Variants in ACOXL observed in about 807,000 individuals in gnomAD.
ACOXL encodes acyl-coenzyme A oxidase-like protein.
In ACOXL, 70 loss-of-function variants were observed where a neutral mutation model predicts 71.9. The observed-to-expected ratio is 0.97, with a 90% CI of 0.80 to 1.19. ACOXL has a LOEUF of 1.19. Ranked by LOEUF, ACOXL falls within the 50% of genes most tolerant of loss-of-function variation. The pLI is 0.00. For synonymous variants in ACOXL, 253 were observed against 281.6 expected (o/e 0.90, Z 1.02); for missense variants, 703 against 736.3 (o/e 0.95, Z 0.52).
In ACOXL at chr2:110,803,546, A is replaced by G. The variant is rs141577187; in HGVS notation, c.621-1717A>G. 1.3e-4 allele frequency among the ~76,000 whole-genome samples: 20 copies of G among 152,364 alleles called. No individual in the cohort carries two copies. The East Asian group carries it at 3.5e-3, about 26-fold the overall frequency. On this transcript the variant is annotated intron_variant, in intron 8 of 17. Coordinates refer to ENST00000439055, the MANE Select transcript of ACOXL (RefSeq NM_001142807.4). ...CAAAATGGATCACAGACCTAAATGT[A>G]AGAGCTAAAACTACACAAATCTTAG... is the stretch of plus-strand genomic sequence containing the variant.
At chr2:110,958,362 C>T (rs1020626686) in intron 12 of ACOXL, among the ~76,000 whole-genome samples, 2 of 152,162 alleles carry the variant, frequency 1.3e-5, no homozygotes, top group East Asian at 1.9e-4. Context: ...TGGCCCAGCA[C>T]GCAGGCCAGT....
At chr2:110,768,513 T>TGTGTGTGTGAGAGAGAGAGAGA (rs397975396) in intron 2 of ACOXL, 49 bp downstream of exon 2, 1 of 928,524 alleles carries the variant, frequency 1.1e-6, no homozygotes, top group East Asian at 3.1e-5. Context: ...TGTGTGTGTG[T>TGTGTGTGTGAGAGAGAGAGAGA]GAGAGAGAGA....
chr2:110,881,198 C>CATATATGTAGATATACAGGAGGTATAT (rs1696598144), intron 10 of ACOXL, among the ~76,000 whole-genome samples: 1 of 151,250 alleles, frequency 6.6e-6, no homozygotes, highest in Non-Finnish European at 1.5e-5. Context: ...ATATCACATA[C>CATATATGTAGATATACAGGAGGTATAT]ATATCATATA....
intron 12 of ACOXL, among the ~76,000 whole-genome samples, chr2:110,974,827 C>T (rs1319441702): frequency 6.6e-6 from 1 of 152,156 alleles, no homozygotes; most frequent in Non-Finnish European, 1.5e-5. Flanking sequence ...CAAAATGTTT[C>T]TCCAATCAGA....
At chr2:111,020,443 A>C (rs1416667826) in intron 14 of ACOXL, among the ~76,000 whole-genome samples, 1 of 152,196 alleles carries the variant, frequency 6.6e-6, no homozygotes, top group African/African-American at 2.4e-5. Context: ...GGTGTCTTAC[A>C]TTCTTGAAAC....
At chr2:110,770,992 A>G (rs1681841889) in intron 2 of ACOXL, among the ~76,000 whole-genome samples, 1 of 152,176 alleles carries the variant, frequency 6.6e-6, no homozygotes. Context: ...TTCCTGGCTC[A>G]CTTAGTGGCC....
intron 3 of ACOXL, among the ~76,000 whole-genome samples, chr2:110,786,501 T>C (rs548489665): frequency 6.6e-6 from 1 of 152,372 alleles, no homozygotes; most frequent in East Asian, 1.9e-4. Flanking sequence ...AAATAAATCC[T>C]GTCTCAGAAA....
chr2:110,779,732 AT>A (rs760863875), intron 2 of ACOXL, among the ~76,000 whole-genome samples: 6 of 152,250 alleles, frequency 3.9e-5, no homozygotes, highest in Non-Finnish European at 8.8e-5. Flanking sequence ...GCAGTAAACG[AT>A]GCTGGAACAA....
chr2:110,797,741 AG>A (rs963228929), intron 5 of ACOXL, among the ~76,000 whole-genome samples: 1 of 152,230 alleles, frequency 6.6e-6, no homozygotes, highest in Non-Finnish European at 1.5e-5. Flanking sequence ...AAGCCATCTA[AG>A]GGCCCAGATC....
In ACOXL at chr2:110,838,868, C is replaced by T. The variant is rs1015671345; in HGVS notation, c.754-2503C>T. 3.9e-5 allele frequency among the ~76,000 whole-genome samples: 6 copies of T among 152,348 alleles called. No individual in the cohort carries two copies. The South Asian group carries it at 1.2e-3, about 32-fold the overall frequency. Reference sequence around the variant, plus strand: ...TCCCCCCTCCCCAGTTGTCGTGTGCCCTTGCAGGTCCTGTTCATGCAGAGG... The same window carrying T: ...TCCCCCCTCCCCAGTTGTCGTGTGCTCTTGCAGGTCCTGTTCATGCAGAGG... On this transcript the variant is annotated intron_variant, in intron 9 of 17. Transcript: ENST00000439055.
chr2:110,748,635 A>G lies in ACOXL; in HGVS notation c.-23+15861A>G, dbSNP rs138622891. Among the ~76,000 whole-genome samples, 356 of 152,314 alleles carry G rather than the reference A, an allele frequency of 2.3e-3. 2 individuals are homozygous for G. The highest frequency in any genetic ancestry group is 8.3e-3 in the African/African-American group (346 of 41,558). On this transcript the variant is annotated intron_variant, in intron 1 of 17. Transcript: ENST00000439055. The stretch of plus-strand genomic sequence containing the variant: ...AGATGATTAAACAGTTTCTGTTTCC[A>G]TTCACCATCAATTCATCAGGCTGTG...
chr2:111,085,009 C>T (rs576489795), intron 16 of ACOXL, among the ~76,000 whole-genome samples: 1 of 151,870 alleles, frequency 6.6e-6, no homozygotes, highest in African/African-American at 2.4e-5. Context: ...ATAAATGATT[C>T]AATTCAACAA....
intron 10 of ACOXL, among the ~76,000 whole-genome samples, chr2:110,859,112 C>A (rs780177192): frequency 3.3e-5 from 5 of 152,180 alleles, no homozygotes; most frequent in Non-Finnish European, 5.9e-5. Flanking sequence ...TCTGCCTGGG[C>A]TTTGTAAAAT....
chr2:110,957,499 G>A (rs1279207055), intron 12 of ACOXL, among the ~76,000 whole-genome samples: 1 of 152,158 alleles, frequency 6.6e-6, no homozygotes, highest in Non-Finnish European at 1.5e-5. Context: ...CTCACAACTC[G>A]AGCTGGAAGT....
intron 13 of ACOXL, among the ~76,000 whole-genome samples, chr2:110,993,884 C>A (rs2063284002): frequency 6.6e-6 from 1 of 152,272 alleles, no homozygotes; most frequent in Admixed American, 6.5e-5. Flanking sequence ...TCTAATGATA[C>A]TTATTTTAAT....
At chr2:110,860,898 C>G (rs561575831) in intron 10 of ACOXL, among the ~76,000 whole-genome samples, 1 of 152,334 alleles carries the variant, frequency 6.6e-6, no homozygotes, top group South Asian at 2.1e-4. Flanking sequence ...CCTGTTCTCA[C>G]AGATCGGAGT....
At chr2:111,065,159 A>G (rs2067003610) in intron 16 of ACOXL, among the ~76,000 whole-genome samples, 1 of 152,246 alleles carries the variant, frequency 6.6e-6, no homozygotes, top group Admixed American at 6.5e-5. Flanking sequence ...CACACATAGA[A>G]CAATGGATAA....
intron 12 of ACOXL, chr2:110,968,184 C>T (rs2062015004): frequency 2.6e-6 from 3 of 1,146,268 alleles, no homozygotes; most frequent in Non-Finnish European, 3.9e-6. Flanking sequence ...GCACAGACAA[C>T]ATCTATGAAG....
intron 15 of ACOXL, among the ~76,000 whole-genome samples, chr2:111,032,395 T>C (rs2065319516): frequency 6.6e-6 from 1 of 152,186 alleles, no homozygotes; most frequent in South Asian, 2.1e-4. Flanking sequence ...ATGCTGAGAT[T>C]GAGAAACTTG....
Sources: allele counts gnomAD v4.1 joint callset (sites outside exome capture counted in the v4.1 genomes callset), GRCh38; gene constraint gnomAD v4.1.1; transcripts MANE v1.5; gene names NCBI Gene and HGNC (gene_info 2026-07-23, HGNC 2026-07-21).